Variants in CFAP46 observed in about 807,000 individuals in gnomAD.
CFAP46 encodes the protein cilia and flagella associated protein 46, also known as cilia- and flagella-associated protein 46.
CFAP46 carries 245 observed loss-of-function variants against 325.7 expected under a neutral mutation model. That is an observed-to-expected ratio of 0.75 (90% CI 0.68 to 0.84). The LOEUF (loss-of-function observed/expected upper bound fraction) is 0.84. Ranked by LOEUF, CFAP46 falls within the 40% of genes least tolerant of loss-of-function variation. The pLI, the probability that CFAP46 is intolerant of heterozygous loss-of-function variation, is 0.00. For synonymous variants in CFAP46, 1,523 were observed against 1,495.9 expected, an observed-to-expected ratio of 1.02 and a Z score of -0.42; for missense variants, 3,346 against 3,543.0, an observed-to-expected ratio of 0.94 and a Z score of 1.41.
chr10:132,905,349 A>G (rs910073029), intron 22 of CFAP46, among the ~76,000 whole-genome samples: 1 of 151,820 alleles, frequency 6.6e-6, no homozygotes. Context: ...GAGCCACCCA[A>G]TGCAGTCAGA....
At chr10:132,852,713 G>T (rs74161911) in intron 39 of CFAP46, among the ~76,000 whole-genome samples, 266 of 152,332 alleles carry the variant, frequency 1.7e-3, no homozygotes, top group African/African-American at 6.2e-3. Flanking sequence ...CAGACATGAT[G>T]CATTTCTCCA....
At position 132,836,873 on chromosome 10, in the gene CFAP46, G is replaced by C; in HGVS notation, c.6480C>G (p.Leu2160=). The C allele has an allele frequency of 1.2e-6, 2 of 1,613,962 alleles. No individual in the cohort carries two copies. Among genetic ancestry groups the C allele is most frequent in the Non-Finnish European group, 8.5e-7 (1 of 1,180,008 alleles). The part of the protein sequence containing the change: ...NLCVTEQHFN[L]LNEMPPTFWI... ...AAAAGGTCGGAGGCATCTCATTCAA[G>C]AGGTTAAAATGCTGCTCAGTGACGC... The change falls in exon 45 of 58, where the codon CTC becomes CTG. Residue 2160 remains leucine (L), a synonymous_variant. Transcript: ENST00000368586.
chr10:132,819,739 C>T (rs758187581), intron 50 of CFAP46, among the ~76,000 whole-genome samples: 1 of 152,178 alleles, frequency 6.6e-6, no homozygotes, highest in African/African-American at 2.4e-5. Flanking sequence ...CAAAAACCAA[C>T]TCAAAATGGA....
chr10:132,863,130 G>A (rs532802645), intron 35 of CFAP46, among the ~76,000 whole-genome samples: 4 of 152,218 alleles, frequency 2.6e-5, no homozygotes, highest in African/African-American at 9.6e-5. Flanking sequence ...GGTCCACGGT[G>A]GCCCCGGGTA....
intron 50 of CFAP46, among the ~76,000 whole-genome samples, chr10:132,829,772 C>T (rs1848119181): frequency 6.6e-6 from 1 of 152,234 alleles, no homozygotes; most frequent in African/African-American, 2.4e-5. Flanking sequence ...GCATCTATTG[C>T]AATCATCAGA....
intron 22 of CFAP46, among the ~76,000 whole-genome samples, chr10:132,901,034 C>A (rs772273808): frequency 1.3e-5 from 2 of 152,246 alleles, no homozygotes; most frequent in Non-Finnish European, 2.9e-5. Context: ...TAACCGGACA[C>A]CAGCTTTCTT....
Position 132,938,808 on chromosome 10 carries a change from C to A in CFAP46, c.372-55G>T, listed in dbSNP as rs1355922542. ...ACGCTCAAAGCCCAGCCGGCCCAAGCTGCAGAACCAAGGGGCCGCTGTGTC... is the reference window on the plus strand; with the variant it reads ...ACGCTCAAAGCCCAGCCGGCCCAAGATGCAGAACCAAGGGGCCGCTGTGTC... On this transcript the variant is annotated intron_variant, in intron 4 of 57. Transcript: ENST00000368586. 1.4e-5 allele frequency: 22 copies of A among 1,559,198 alleles called. 1 individual carries two copies. In the East Asian group the frequency reaches 3.6e-4, roughly 26 times the overall value.
intron 8 of CFAP46, among the ~76,000 whole-genome samples, 183 bp downstream of exon 8, chr10:132,934,569 C>G (rs1436911319): frequency 6.6e-6 from 1 of 152,226 alleles, no homozygotes; most frequent in African/African-American, 2.4e-5. Context: ...AAAGTATTCG[C>G]AAGACAGTAC....
intron 53 of CFAP46, 145 bp from the exon 54 acceptor site, chr10:132,814,399 A>G: frequency 9.4e-7 from 1 of 1,059,346 alleles, no homozygotes. Flanking sequence ...TGGTAGAACC[A>G]GGCTAGCCAG....
At chr10:132,898,549 C>T (rs989331924) in intron 24 of CFAP46, 8 of 323,024 alleles carry the variant, frequency 2.5e-5, no homozygotes, top group Non-Finnish European at 4.8e-5. Context: ...CCGCCAGAGG[C>T]ACCTGTGGCC....
intron 32 of CFAP46, among the ~76,000 whole-genome samples, chr10:132,871,011 G>C (rs1248148175): frequency 6.6e-6 from 1 of 152,222 alleles, no homozygotes; most frequent in African/African-American, 2.4e-5. Flanking sequence ...CGGGGACTTT[G>C]AGTTGAAGCC....
chr10:132,926,122 T>C (rs1404773097), intron 10 of CFAP46, among the ~76,000 whole-genome samples: 2 of 152,246 alleles, frequency 1.3e-5, no homozygotes, highest in Non-Finnish European at 2.9e-5. Context: ...GTGGGTCAAG[T>C]GCCTGTAATT....
At chr10:132,894,841 C>T (rs1849299613) in intron 24 of CFAP46, among the ~76,000 whole-genome samples, 3 of 152,122 alleles carry the variant, frequency 2.0e-5, no homozygotes, top group South Asian at 2.1e-4. Context: ...AAGAAAAATC[C>T]TGGACTATAT....
At chr10:132,823,827 ATG>A (rs913358896) in intron 50 of CFAP46, among the ~76,000 whole-genome samples, 1 of 116,886 alleles carries the variant, frequency 8.6e-6, no homozygotes, top group Non-Finnish European at 1.7e-5. Flanking sequence ...GTGAGTGCTG[ATG>A]TGTGCTGTAT....
At chr10:132,852,227 G>A (rs866663704) in intron 39 of CFAP46, among the ~76,000 whole-genome samples, 8 of 118,932 alleles carry the variant, frequency 6.7e-5, no homozygotes, top group East Asian at 2.4e-4. Context: ...ATTTACTTAG[G>A]AATTCTCAGA....
intron 6 of CFAP46, 89 bp downstream of exon 6, chr10:132,937,463 C>A (rs747109972): frequency 4.2e-5 from 64 of 1,521,432 alleles, no homozygotes; most frequent in Non-Finnish European, 4.7e-5. Context: ...TATCTCTCAG[C>A]AAACTTATGT....
chr10:132,883,541 T>C (rs753490115), intron 27 of CFAP46, among the ~76,000 whole-genome samples: 1 of 152,242 alleles, frequency 6.6e-6, no homozygotes, highest in Non-Finnish European at 1.5e-5. Flanking sequence ...GTGAGGCCGC[T>C]GTGGGAGACA....
intron 35 of CFAP46, among the ~76,000 whole-genome samples, chr10:132,861,925 A>G (rs1258831775): frequency 6.6e-6 from 1 of 152,170 alleles, no homozygotes; most frequent in Non-Finnish European, 1.5e-5. Context: ...TGAGGGCTCC[A>G]TCTCTGGCCG....
rs138970119 is a variant in CFAP46 at position 132,848,458 on chromosome 10, T to C, written c.5953-1137A>G. On this transcript the variant is annotated intron_variant, in intron 41 of 57. Transcript: ENST00000368586. ...GGGGAGGGAGGGCAGCAGAGAAGCC[T>C]TCGTTCTCCAGGTCATCAGCCGGCT... Among the ~76,000 whole-genome samples the C allele has an allele frequency of 9.2e-3, 1,399 of 151,900 alleles. 34 individuals carry two copies. Among genetic ancestry groups the C allele is most frequent in the Admixed American group, 0.047 (715 of 15,260 alleles).
Sources: gnomAD v4.1 joint callset for allele counts (sites outside exome capture counted in the v4.1 genomes callset) on GRCh38, gnomAD v4.1.1 for gene constraint, MANE v1.5 for transcripts, NCBI Gene and HGNC (gene_info 2026-07-23, HGNC 2026-07-21) for gene names.